PRPF8: variants seen among roughly 807,000 people sequenced by gnomAD.
PRPF8 encodes pre-mRNA-processing-splicing factor 8.
In PRPF8, 64 loss-of-function variants were observed where a neutral mutation model predicts 285.9. That is an observed-to-expected ratio of 0.22 (90% CI 0.18 to 0.28). The LOEUF (loss-of-function observed/expected upper bound fraction) is 0.28, where lower values mean the gene tolerates loss of function less well. PRPF8 is among the 10% of genes least tolerant of loss of function. The probability of loss-of-function intolerance (pLI) is 1.00; values close to 1 mark genes in which losing one functional copy is unlikely to be tolerated. For missense variants in PRPF8, 1,426 were observed against 3,026.7 expected, an observed-to-expected ratio of 0.47 and a Z score of 12.41; for synonymous variants, 1,325 against 1,118.2, an observed-to-expected ratio of 1.18 and a Z score of -3.69.
At chr17:1,684,641 C>G in intron 1 of PRPF8, 59 bp from the exon 2 acceptor site, 1 of 1,528,706 alleles carries the variant, frequency 6.5e-7, no homozygotes, top group Non-Finnish European at 9.0e-7. Context: ...ACAAGAAGCG[C>G]AGCAGAAAGG....
At position 1,661,604 on chromosome 17, in the gene PRPF8, T is replaced by C. The variant is rs1180224866; in HGVS notation, c.4202+7A>G. On this transcript the variant is annotated splice_region_variant and intron_variant, in intron 26 of 42. Transcript: ENST00000304992. This position sits in a 1 kb window ranked among gnomAD's most constrained non-coding sequence, Gnocchi z 7.3. ...CCCAGGGTTGGCATGCCCTCCTAGGTGCCCACCTGTTCTGAGCAATGGCCT... is the reference window on the plus strand; with the variant it reads ...CCCAGGGTTGGCATGCCCTCCTAGGCGCCCACCTGTTCTGAGCAATGGCCT... 4.3e-6 allele frequency: 7 copies of C among 1,612,808 alleles called. No homozygotes were observed. Among genetic ancestry groups the C allele is most frequent in the Non-Finnish European group, 5.1e-6 (6 of 1,180,010 alleles).
chr17:1,675,042 G>C lies in PRPF8; in HGVS notation c.3060+110C>G. 3.8e-6 allele frequency: 5 copies of C among 1,315,902 alleles called. No homozygotes were observed. Among genetic ancestry groups the C allele is most frequent in the African/African-American group, 1.4e-5 (1 of 68,998 alleles). 81.5% of individuals were successfully genotyped at this position (1,315,902 alleles called of 1,614,324 possible). A position where few individuals can be genotyped will look rare whatever the true frequency, so the allele number is the denominator to read the frequency against. ...CCCGCCTCAGCCTCCCAAAGTGCTG[G>C]GATTACAGGCATGAGCCACCGCACC... On this transcript the variant is annotated intron_variant, in intron 20 of 42. Coordinates refer to ENST00000304992, the MANE Select transcript of PRPF8 (RefSeq NM_006445.4). This position sits in a 1 kb window ranked among gnomAD's most constrained non-coding sequence, Gnocchi z 6.0.
intron 24 of PRPF8, among the ~76,000 whole-genome samples, chr17:1,662,445 C>A (rs1439363929): frequency 6.6e-6 from 1 of 151,556 alleles, no homozygotes; most frequent in Non-Finnish European, 1.5e-5. Flanking sequence ...AAGAATTAGC[C>A]GGGTGTGGTG....
Position 1,679,122 on chromosome 17 carries a change from G to A in PRPF8, c.1494C>T (p.Arg498=), listed in dbSNP as rs1443989499. ...DWVEVGLQVC[R]QGYNMLNLLI... ...GAAGGTTGAGCATGTTGTAGCCCTG[G>A]CGGCAAACCTGGAGCCCAACCTCCA... Residue 498 remains arginine, a synonymous_variant, in exon 11 of 43, where the codon CGC becomes CGT. Transcript: ENST00000304992. This position sits in a 1 kb window ranked among gnomAD's most constrained non-coding sequence, Gnocchi z 4.7. The A allele has an allele frequency of 2.5e-6, 4 of 1,614,074 alleles. No homozygotes were observed. In the East Asian group the frequency reaches 6.7e-5, roughly 27 times the overall value.
chr17:1,660,238 C>T (rs1185887106), intron 30 of PRPF8, among the ~76,000 whole-genome samples, 194 bp downstream of exon 30: 2 of 151,556 alleles, frequency 1.3e-5, no homozygotes, highest in Non-Finnish European at 2.9e-5. Context: ...TGACTCTGTA[C>T]AGCACCCTCT....
At position 1,682,187 on chromosome 17, in the gene PRPF8, T is replaced by A; in HGVS notation, c.376A>T (p.Ile126Phe). ...CAGGGAATCTCATTGACGAAGGAAA[T>A]GGCTCCAGTGATGTGGTACAGCACA... is the stretch of plus-strand genomic sequence containing the variant. ...VPVLYHITGA[I>F]SFVNEIPWVI... The change falls in exon 4 of 43, where the codon ATT (isoleucine) becomes TTT (phenylalanine). Residue 126 changes from isoleucine to phenylalanine, a missense_variant. Physicochemically the swap from Ile to Phe is conservative, Grantham distance 21. This residue lies in a region of PRPF8 where 96 missense variants were observed against 188.3 expected (regional missense o/e 0.51). Coordinates refer to ENST00000304992, the MANE Select transcript of PRPF8 (RefSeq NM_006445.4). The A allele has an allele frequency of 6.2e-7, 1 of 1,614,040 alleles. No individual in the cohort carries two copies. The highest frequency in any genetic ancestry group is 1.3e-5 in the African/African-American group (1 of 75,000).
At chr17:1,654,122 C>G in intron 37 of PRPF8, 106 bp from the exon 38 acceptor site, 1 of 1,533,356 alleles carries the variant, frequency 6.5e-7, no homozygotes, top group Non-Finnish European at 9.0e-7. Flanking sequence ...TATACTCACG[C>G]CCCAGACAAT....
intron 24 of PRPF8, among the ~76,000 whole-genome samples, chr17:1,664,926 G>C (rs577320966): frequency 3.9e-5 from 6 of 152,176 alleles, no homozygotes; most frequent in African/African-American, 1.4e-4. Context: ...GGGAAGCCAA[G>C]GCGGGTGAAT....
chr17:1,658,498 G>A lies in PRPF8; in HGVS notation c.5376+28C>T, dbSNP rs376957645. The A allele has an allele frequency of 2.2e-5, 35 of 1,612,048 alleles. No homozygotes were observed. The highest frequency in any genetic ancestry group is 6.7e-5 in the East Asian group (3 of 44,882). ...CTCCCACAGCCATGTACAGAGTCCC[G>A]CACCTATACACTGCTGCTAACACTC... is the stretch of plus-strand genomic sequence containing the variant. On this transcript the variant is annotated intron_variant, in intron 33 of 42. Coordinates refer to ENST00000304992, the MANE Select transcript of PRPF8 (RefSeq NM_006445.4). This position sits in a 1 kb window ranked among gnomAD's most constrained non-coding sequence, Gnocchi z 4.1.
intron 24 of PRPF8, among the ~76,000 whole-genome samples, chr17:1,666,537 A>AC (rs1911993805): frequency 7.2e-6 from 1 of 138,056 alleles, no homozygotes; most frequent in South Asian, 2.2e-4. Flanking sequence ...GGTCATAGAG[A>AC]CCCCATCTCA....
At chr17:1,665,885 G>A (rs1028102745) in intron 24 of PRPF8, among the ~76,000 whole-genome samples, 5 of 150,626 alleles carry the variant, frequency 3.3e-5, no homozygotes, top group African/African-American at 9.8e-5. Context: ...TCCAGGCCAG[G>A]TGCGGTGGCT....
Position 1,656,563 on chromosome 17 carries a change from C to T in PRPF8, c.5622G>A (p.Val1874=), listed in dbSNP as rs1160648801. The change falls in exon 36 of 43, where the codon GTG becomes GTA. Residue 1874 remains valine, a splice_region_variant and synonymous_variant. Transcript: ENST00000304992. ...CAATATTGGGGAAGTCCAGTAAGTG[C>T]ACCTAAGACAAGATCAAGTCCAAGA... ...TRKGMLDPLE[V]HLLDFPNIVI... 4 of 1,614,140 alleles carry T rather than the reference C, an allele frequency of 2.5e-6. No homozygotes were observed. The East Asian group carries it at 6.7e-5, about 27-fold the overall frequency.
At position 1,675,505 on chromosome 17, in the gene PRPF8, C is replaced by T. The variant is rs751274149; in HGVS notation, c.2872+115G>A. 308 of 1,469,878 alleles carry T rather than the reference C, an allele frequency of 2.1e-4. No individual in the cohort carries two copies. Among genetic ancestry groups the T allele is most frequent in the Non-Finnish European group, 2.8e-4 (296 of 1,052,262 alleles). 91.1% of individuals were successfully genotyped at this position (1,469,878 alleles called of 1,614,324 possible). A position where few individuals can be genotyped will look rare whatever the true frequency, so the allele number is the denominator to read the frequency against. ...CCTCAGTTTAACACGAACACTACTT[C>T]CCTTTACTACCACGCATCAAGAGAG... is the stretch of plus-strand genomic sequence containing the variant. On this transcript the variant is annotated intron_variant, in intron 19 of 42. Transcript: ENST00000304992. The surrounding 1 kb of genome is among the most constrained non-coding windows in gnomAD (Gnocchi z 6.0).
Position 1,673,425 on chromosome 17 carries a change from G to A in PRPF8, c.3589C>T (p.Leu1197=). The A allele has an allele frequency of 6.2e-7, 1 of 1,614,172 alleles. No homozygotes were observed. The highest frequency in any genetic ancestry group is 1.3e-5 in the African/African-American group (1 of 75,046). ...TCATAGCTGGTGCGGCACTTAGGCA[G>A]GATGCGGCACTCGAAGCCACACATG... ...FNMCGFECRI[L]PKCRTSYEEF... is the part of the protein sequence containing the mutation. The change falls in exon 23 of 43, where the codon CTG becomes TTG. Residue 1197 remains leucine, a synonymous_variant. Coordinates refer to ENST00000304992, the MANE Select transcript of PRPF8 (RefSeq NM_006445.4). This position sits in a 1 kb window ranked among gnomAD's most constrained non-coding sequence, Gnocchi z 5.5.
chr17:1,674,044 G>A (rs950618316), intron 21 of PRPF8, 152 bp from the exon 22 acceptor site: 1 of 949,792 alleles, frequency 1.1e-6, no homozygotes, highest in East Asian at 2.7e-5. Flanking sequence ...TTTATTTTTT[G>A]AGACAGTCTC....
chr17:1,658,159 C>T lies in PRPF8; in HGVS notation c.5505+94G>A. 3.2e-6 allele frequency: 5 copies of T among 1,577,114 alleles called. No individual in the cohort carries two copies. Among genetic ancestry groups the T allele is most frequent in the Non-Finnish European group, 4.3e-6 (5 of 1,152,170 alleles). On this transcript the variant is annotated intron_variant, in intron 34 of 42. Coordinates refer to ENST00000304992, the MANE Select transcript of PRPF8 (RefSeq NM_006445.4). The surrounding 1 kb of genome is among the most constrained non-coding windows in gnomAD (Gnocchi z 4.1). The stretch of plus-strand genomic sequence containing the variant: ...TAAGTTCAAATGAGATGTTCTCAGC[C>T]TTTCATCTAATAAACCAGTAAATAT...
rs772763493 is a variant in PRPF8 at position 1,683,519 on chromosome 17, A to G, written c.269+14T>C. ...GCCAAATTCCAAATGAAATTATTTC[A>G]GGATGTTCCTTACCCCAAGTAAACC... On this transcript the variant is annotated intron_variant, in intron 3 of 42. Transcript: ENST00000304992. 1.3e-5 allele frequency: 21 copies of G among 1,613,962 alleles called. No homozygotes were observed. The highest frequency in any genetic ancestry group is 6.7e-5 in the African/African-American group (5 of 74,918).
rs750293505 is a variant in PRPF8, at chr17:1,678,899, AACAG to A, written c.1600-22_1600-19del. On this transcript the variant is annotated intron_variant, in intron 11 of 42. Coordinates refer to ENST00000304992, the MANE Select transcript of PRPF8 (RefSeq NM_006445.4). ...TTTCTTTCCTGGAGAAGATGCAAAA[AACAG>A]ACAGAACGTGAATGAGCAATGGACC... 34 of 1,613,988 alleles carry A rather than the reference AACAG, an allele frequency of 2.1e-5. 2 individuals are homozygous for A. In the African/African-American group the frequency reaches 2.8e-4, roughly 13 times the overall value.
rs780517164 is a variant in PRPF8, at chr17:1,650,667, G to A, written c.*135C>T. On this transcript the variant is annotated 3_prime_UTR_variant, in exon 43 of 43. Coordinates refer to ENST00000304992, the MANE Select transcript of PRPF8 (RefSeq NM_006445.4). ...AAATTTATTATTATATTTTATTCAGGATGACAAGCCATCAGGAGGTCAACA... is the reference window on the plus strand; with the variant it reads ...AAATTTATTATTATATTTTATTCAGAATGACAAGCCATCAGGAGGTCAACA... 4.0e-6 allele frequency: 4 copies of A among 990,452 alleles called. No individual in the cohort carries two copies. Among genetic ancestry groups the A allele is most frequent in the Non-Finnish European group, 4.7e-6 (3 of 639,616 alleles). The allele number at this position is 990,452 out of a possible 1,614,324, so 61.4% of individuals were successfully genotyped here.
Sources: gnomAD v4.1 joint callset for allele counts (sites outside exome capture counted in the v4.1 genomes callset) on GRCh38, gnomAD v4.1.1 for gene constraint, gnomAD v4.1.1 regional missense constraint, Gnocchi (gnomAD v3.1) non-coding constraint, MANE v1.5 for transcripts, NCBI Gene and HGNC (gene_info 2026-07-23, HGNC 2026-07-21) for gene names.